The following SCAI variants were observed in gnomAD, a reference collection of about 807,000 sequenced individuals.
The protein encoded by SCAI is protein SCAI.
A neutral mutation model predicts 92.2 loss-of-function variants in SCAI; 24 were observed. The ratio of observed to expected loss-of-function variants is 0.26; its 90% CI spans 0.19 to 0.37. The LOEUF (loss-of-function observed/expected upper bound fraction) is 0.37. Ranked by LOEUF, SCAI falls within the 10% of genes least tolerant of loss-of-function variation. SCAI has a pLI of 1.00. For synonymous variants in SCAI, 261 were observed against 258.6 expected, an observed-to-expected ratio of 1.01 and a Z score of -0.09; for missense variants, 450 against 736.2, an observed-to-expected ratio of 0.61 and a Z score of 4.50.
At chr9:125,138,961 C>T (rs1413910626) in intron 2 of SCAI, among the ~76,000 whole-genome samples, 2 of 152,124 alleles carry the variant, frequency 1.3e-5, no homozygotes, top group Admixed American at 6.5e-5. Flanking sequence ...TCAGCCCAGA[C>T]CATTTCATGT....
At chr9:125,043,544 T>C (rs113133580) in intron 3 of SCAI, among the ~76,000 whole-genome samples, 25 of 152,182 alleles carry the variant, frequency 1.6e-4, no homozygotes, top group African/African-American at 5.3e-4. Flanking sequence ...CACTGCAGCC[T>C]CAAACTCCTG....
intron 2 of SCAI, among the ~76,000 whole-genome samples, chr9:125,059,060 C>T (rs936084470): frequency 2.0e-5 from 3 of 152,124 alleles, no homozygotes; most frequent in African/African-American, 7.2e-5. Context: ...ATACTTCCCC[C>T]ATAAACTACA....
At chr9:124,956,851 T>G (rs930540671) in intron 17 of SCAI, among the ~76,000 whole-genome samples, 1 of 152,106 alleles carries the variant, frequency 6.6e-6, no homozygotes, top group Non-Finnish European at 1.5e-5. Flanking sequence ...GCATATAGAT[T>G]GGAAAAAAAG....
At position 124,956,376 on chromosome 9, in the gene SCAI, G is replaced by A. The variant is rs553274428; in HGVS notation, c.1675-3423C>T. 1.6e-3 allele frequency among the ~76,000 whole-genome samples: 251 copies of A among 152,148 alleles called. 1 individual carries two copies. The highest frequency in any genetic ancestry group is 5.8e-3 in the African/African-American group (240 of 41,502). ...TGGGATTACAGGCATGCGCCACCAC[G>A]CCTGGCTAATTTTTGTATTTTTAGT... is the stretch of plus-strand genomic sequence containing the variant. On this transcript the variant is annotated intron_variant, in intron 17 of 17. Coordinates refer to ENST00000336505, the MANE Select transcript of SCAI (RefSeq NM_001144877.3).
At chr9:124,984,384 G>A (rs146289588) in intron 14 of SCAI, among the ~76,000 whole-genome samples, 67 of 152,330 alleles carry the variant, frequency 4.4e-4, no homozygotes, top group African/African-American at 1.6e-3. Flanking sequence ...TAGAAAGGTG[G>A]CATATCTGTC....
chr9:125,137,849 G>C (rs893974782), intron 2 of SCAI, among the ~76,000 whole-genome samples: 1 of 152,218 alleles, frequency 6.6e-6, no homozygotes, highest in African/African-American at 2.4e-5. Flanking sequence ...TGATCCACCC[G>C]CCTCAGCCTC....
intron 3 of SCAI, among the ~76,000 whole-genome samples, chr9:125,038,957 T>C (rs1429667181): frequency 6.6e-6 from 1 of 152,234 alleles, no homozygotes; most frequent in Non-Finnish European, 1.5e-5. Context: ...TGGCATTTTA[T>C]TACAGAAGAC....
At chr9:125,138,255 T>C (rs1418446183) in intron 2 of SCAI, among the ~76,000 whole-genome samples, 11 of 146,838 alleles carry the variant, frequency 7.5e-5, no homozygotes, top group African/African-American at 1.5e-4. Flanking sequence ...ATTTCTTTTT[T>C]TTTTTTTTTT....
rs149762627 is a variant in SCAI at position 125,114,632 on chromosome 9, G to A, written c.98+28001C>T. Among the ~76,000 whole-genome samples the A allele has an allele frequency of 1.3e-5, 2 of 151,952 alleles. 1 individual carries two copies. The highest frequency in any genetic ancestry group is 2.9e-5 in the Non-Finnish European group (2 of 68,022). Reference sequence around the variant, plus strand: ...TTTTTTTTATTCCCCCAGAGATAGGGTCTTGCTCTGTTGCCCAGGCTGTAG... The same window carrying A: ...TTTTTTTTATTCCCCCAGAGATAGGATCTTGCTCTGTTGCCCAGGCTGTAG... On this transcript the variant is annotated intron_variant, in intron 2 of 17. Coordinates refer to ENST00000336505, the MANE Select transcript of SCAI (RefSeq NM_001144877.3).
rs57372605 is a variant in SCAI, at chr9:125,118,512, C to CAATAAATAAATAAATA, written c.98+24105_98+24120dup. The stretch of plus-strand genomic sequence containing the variant: ...AGCCTGGGAGACAGAGACCCTGTCT[C>CAATAAATAAATAAATA]AATAAATAAATAAATAAATAAATAA... On this transcript the variant is annotated intron_variant, in intron 2 of 17. Transcript: ENST00000336505. Among the ~76,000 whole-genome samples the CAATAAATAAATAAATA allele has an allele frequency of 1.8e-3, 264 of 148,810 alleles. 1 individual carries two copies. The highest frequency in any genetic ancestry group is 7.2e-3 in the South Asian group (33 of 4,594).
At chr9:124,968,735 C>G in intron 17 of SCAI, 4 of 1,336,566 alleles carry the variant, frequency 3.0e-6, no homozygotes, top group Non-Finnish European at 4.3e-6. Flanking sequence ...CATTCCGAAT[C>G]TGGTTGAGGC....
chr9:125,057,693 C>T (rs895474744), intron 2 of SCAI, among the ~76,000 whole-genome samples: 3 of 152,142 alleles, frequency 2.0e-5, no homozygotes, highest in Admixed American at 2.0e-4. Context: ...GGAGGGCACC[C>T]ATGAGGGTGG....
Position 125,003,161 on chromosome 9 carries a change from T to G in SCAI, c.1018A>C (p.Lys340Gln). The change falls in exon 11 of 18, where the codon AAA becomes CAA. Residue 340 changes from lysine (K) to glutamine (Q), a missense_variant. This residue lies in a region of SCAI where 360 missense variants were observed against 601.8 expected (regional missense o/e 0.60). Coordinates refer to ENST00000336505, the MANE Select transcript of SCAI (RefSeq NM_001144877.3). ...GTATATAGCTGGCTGAAGGTTGGTT[T>G]GTAGAGCAGATACTTGTGGGGGTTT... ...RENPHKYLLY[K>Q]PTFSQLYTFL... is the part of the protein sequence containing the mutation. 1.9e-6 allele frequency: 3 copies of G among 1,614,134 alleles called. No individual in the cohort carries two copies. The highest frequency in any genetic ancestry group is 2.2e-5 in the South Asian group (2 of 91,082).
At chr9:125,122,427 A>G (rs1273883040) in intron 2 of SCAI, among the ~76,000 whole-genome samples, 2 of 150,944 alleles carry the variant, frequency 1.3e-5, no homozygotes, top group African/African-American at 4.9e-5. Flanking sequence ...CATCTCTACT[A>G]AAAATACAAA....
chr9:125,007,901 A>C (rs536033393), intron 9 of SCAI, among the ~76,000 whole-genome samples: 36 of 151,122 alleles, frequency 2.4e-4, no homozygotes, highest in Admixed American at 2.0e-3. Flanking sequence ...GCTGGAGTGC[A>C]GTGGTCTGAT....
chr9:124,999,014 C>A (rs1832302837), intron 13 of SCAI, among the ~76,000 whole-genome samples: 1 of 151,850 alleles, frequency 6.6e-6, no homozygotes, highest in African/African-American at 2.4e-5. Flanking sequence ...GATCTGATCA[C>A]AATACATTAC....
At chr9:124,977,264 CT>C (rs1176551942) in intron 14 of SCAI, among the ~76,000 whole-genome samples, 6 of 152,136 alleles carry the variant, frequency 3.9e-5, no homozygotes, top group African/African-American at 1.2e-4. Flanking sequence ...TAACCACAGA[CT>C]TTTTTTCCTA....
chr9:125,108,548 T>G (rs1321674294), intron 2 of SCAI, among the ~76,000 whole-genome samples: 1 of 126,438 alleles, frequency 7.9e-6, no homozygotes, highest in African/African-American at 3.1e-5. Context: ...GTGAGGAGCG[T>G]CTCTGCCCAG....
At chr9:124,958,377 AT>A (rs1173473345) in intron 17 of SCAI, among the ~76,000 whole-genome samples, 1 of 152,250 alleles carries the variant, frequency 6.6e-6, no homozygotes, top group Non-Finnish European at 1.5e-5. Context: ...CTGTAGGTCA[AT>A]GGAAGAGAAT....
Sources: gnomAD v4.1 joint callset for allele counts (sites outside exome capture counted in the v4.1 genomes callset) on GRCh38, gnomAD v4.1.1 for gene constraint, gnomAD v4.1.1 regional missense constraint, MANE v1.5 for transcripts, NCBI Gene and HGNC (gene_info 2026-07-23, HGNC 2026-07-21) for gene names.